The following CCSER1 variants were observed in gnomAD, a reference collection of about 807,000 sequenced individuals.
CCSER1 encodes the protein coiled-coil serine rich protein 1, also known as serine-rich coiled-coil domain-containing protein 1.
A neutral mutation model predicts 82.0 loss-of-function variants in CCSER1; 41 were observed. The ratio of observed to expected loss-of-function variants is 0.50; its 90% CI spans 0.39 to 0.65. The LOEUF (loss-of-function observed/expected upper bound fraction) is 0.65. CCSER1 is among the 30% of genes least tolerant of loss of function. CCSER1 has a pLI of 0.00. For synonymous variants in CCSER1, 414 were observed against 383.9 expected, an observed-to-expected ratio of 1.08 and a Z score of -0.92; for missense variants, 1,119 against 1,064.2, an observed-to-expected ratio of 1.05 and a Z score of -0.72.
intron 1 of CCSER1, among the ~76,000 whole-genome samples, chr4:90,266,332 T>G (rs1038771562): frequency 6.6e-6 from 1 of 152,184 alleles, no homozygotes; most frequent in Non-Finnish European, 1.5e-5. Context: ...ACTCATGAAA[T>G]GTTTTCTCTG....
intron 10 of CCSER1, among the ~76,000 whole-genome samples, chr4:91,449,619 C>G (rs1249765431): frequency 1.3e-5 from 2 of 151,956 alleles, no homozygotes; most frequent in Non-Finnish European, 2.9e-5. Context: ...TAGGGCGGAC[C>G]TCATTTGGTT....
At chr4:90,992,806 T>G (rs1035317360) in intron 9 of CCSER1, among the ~76,000 whole-genome samples, 1 of 151,950 alleles carries the variant, frequency 6.6e-6, no homozygotes, top group East Asian at 1.9e-4. Context: ...AAGTATGACT[T>G]ACTTTGCTTA....
chr4:91,326,831 C>T (rs1746598990), intron 10 of CCSER1, among the ~76,000 whole-genome samples: 2 of 152,246 alleles, frequency 1.3e-5, no homozygotes, highest in Middle Eastern at 3.4e-3. Context: ...CAAGGGTCTG[C>T]AGGCCCCACC....
At chr4:91,537,995 A>G (rs1761384475) in intron 10 of CCSER1, among the ~76,000 whole-genome samples, 1 of 152,086 alleles carries the variant, frequency 6.6e-6, no homozygotes, top group East Asian at 1.9e-4. Context: ...GTTAGGATGA[A>G]TTGGTTATAT....
intron 8 of CCSER1, among the ~76,000 whole-genome samples, chr4:90,885,313 C>T (rs1302689723): frequency 2.6e-5 from 4 of 152,016 alleles, no homozygotes; most frequent in Non-Finnish European, 4.4e-5. Flanking sequence ...ATGTGTTACC[C>T]AACATGTATG....
At chr4:91,325,110 G>C (rs1212713853) in intron 10 of CCSER1, 1 of 453,696 alleles carries the variant, frequency 2.2e-6, no homozygotes, top group Non-Finnish European at 4.4e-6. Context: ...CCAAGAGGGA[G>C]TACCTTATTT....
intron 4 of CCSER1, 57 bp downstream of exon 4, chr4:90,400,186 C>T: frequency 1.1e-6 from 1 of 899,526 alleles, no homozygotes; most frequent in Non-Finnish European, 1.7e-6. Flanking sequence ...CAGTAGCTTT[C>T]ACTGATAGCC....
intron 9 of CCSER1, among the ~76,000 whole-genome samples, chr4:91,076,327 T>C (rs976366234): frequency 2.2e-5 from 2 of 89,900 alleles, no homozygotes; most frequent in Non-Finnish European, 4.3e-5. Context: ...ATTCCAACCA[T>C]GCAGTTTTTT....
chr4:90,464,280 A>G (rs1303847133), intron 4 of CCSER1, among the ~76,000 whole-genome samples: 1 of 152,228 alleles, frequency 6.6e-6, no homozygotes, highest in Non-Finnish European at 1.5e-5. Flanking sequence ...CTAGAAATAA[A>G]TAAGACTAGT....
At chr4:90,895,208 A>G (rs1723530791) in intron 8 of CCSER1, among the ~76,000 whole-genome samples, 1 of 151,920 alleles carries the variant, frequency 6.6e-6, no homozygotes, top group Non-Finnish European at 1.5e-5. Flanking sequence ...CCAGCCAAAA[A>G]CCATATGGCA....
chr4:90,873,436 C>G (rs765497929), intron 8 of CCSER1, among the ~76,000 whole-genome samples: 55 of 152,146 alleles, frequency 3.6e-4, no homozygotes, highest in African/African-American at 7.5e-4. Flanking sequence ...GTTCCTGTTG[C>G]GGGAACCATC....
At chr4:90,217,772 A>C (rs981487783) in intron 1 of CCSER1, among the ~76,000 whole-genome samples, 1 of 151,780 alleles carries the variant, frequency 6.6e-6, no homozygotes, top group Non-Finnish European at 1.5e-5. Flanking sequence ...ATATTCCTAC[A>C]ATGCCTAATT....
intron 3 of CCSER1, among the ~76,000 whole-genome samples, chr4:90,328,801 G>C (rs1738701131): frequency 1.3e-5 from 2 of 152,118 alleles, no homozygotes; most frequent in South Asian, 4.1e-4. Context: ...GGCTGGCTCT[G>C]GTCCAAGAGG....
At chr4:90,183,659 T>C (rs1046275196) in intron 1 of CCSER1, among the ~76,000 whole-genome samples, 2 of 152,176 alleles carry the variant, frequency 1.3e-5, no homozygotes, top group African/African-American at 4.8e-5. Flanking sequence ...ATAGTCTGAC[T>C]TGAGCTTTTT....
At chr4:91,036,176 C>A (rs941401232) in intron 9 of CCSER1, among the ~76,000 whole-genome samples, 14 of 152,098 alleles carry the variant, frequency 9.2e-5, no homozygotes, top group African/African-American at 3.4e-4. Context: ...TTTCAAGAAA[C>A]AAAAGATCCA....
In CCSER1 at chr4:91,220,584, T is replaced by A. The variant is rs182910869; in HGVS notation, c.2217+134590T>A. 6.8e-4 allele frequency among the ~76,000 whole-genome samples: 103 copies of A among 152,270 alleles called. 3 individuals carry two copies. The East Asian group carries it at 0.018, about 27-fold the overall frequency. Reference sequence around the variant, plus strand: ...GGTTAAAGGGAATTGGTACATGGAATTTTCTTTGTGTAAGTAGTTTACTGT... The same window carrying A: ...GGTTAAAGGGAATTGGTACATGGAAATTTCTTTGTGTAAGTAGTTTACTGT... On this transcript the variant is annotated intron_variant, in intron 10 of 10. Coordinates refer to ENST00000509176, the MANE Select transcript of CCSER1 (RefSeq NM_001145065.2).
At chr4:90,352,431 A>T (rs1743636190) in intron 3 of CCSER1, among the ~76,000 whole-genome samples, 1 of 152,178 alleles carries the variant, frequency 6.6e-6, no homozygotes, top group Admixed American at 6.5e-5. Flanking sequence ...TGGGCAGTCC[A>T]GGTGGGCGGA....
In CCSER1 at chr4:91,201,017, C is replaced by A. The variant is rs373368059; in HGVS notation, c.2217+115023C>A. On this transcript the variant is annotated intron_variant, in intron 10 of 10. Transcript: ENST00000509176. ...AAGTAGTATCAAGAACAATTTACAACCAACATTTTCTGACAGTTTACTATG... is the reference window on the plus strand; with the variant it reads ...AAGTAGTATCAAGAACAATTTACAAACAACATTTTCTGACAGTTTACTATG... Among the ~76,000 whole-genome samples the A allele has an allele frequency of 1.2e-4, 19 of 152,092 alleles. No individual in the cohort carries two copies. The East Asian group carries it at 3.7e-3, about 29-fold the overall frequency.
chr4:90,457,734 C>T (rs12374246), intron 4 of CCSER1, among the ~76,000 whole-genome samples: 4,895 of 152,206 alleles, frequency 0.032, 102 homozygotes, highest in Non-Finnish European at 0.047. Context: ...GGAAAAGGCA[C>T]CATAATTTTC....
Sources: gnomAD v4.1 joint callset for allele counts (sites outside exome capture counted in the v4.1 genomes callset) on GRCh38, gnomAD v4.1.1 for gene constraint, MANE v1.5 for transcripts, NCBI Gene and HGNC (gene_info 2026-07-23, HGNC 2026-07-21) for gene names.